TYW3: variants seen among roughly 807,000 people sequenced by gnomAD.
The protein encoded by TYW3 is tRNA wybutosine-synthesizing protein 3 homolog.
Under a neutral mutation model 23.1 loss-of-function variants are expected in TYW3, and 26 were observed. The ratio of observed to expected loss-of-function variants is 1.13; its 90% CI spans 0.83 to 1.56. TYW3 has a LOEUF of 1.56. Among genes scored for constraint, TYW3 ranks in the 40% most tolerant of loss-of-function variants. TYW3 has a pLI of 0.00. For missense variants in TYW3, 316 were observed against 311.9 expected (o/e 1.01, Z -0.10); for synonymous variants, 102 against 105.7 (o/e 0.97, Z 0.21).
At chr1:74,736,258 A>G (rs1570048339) in intron 1 of TYW3, 1 of 218,428 alleles carries the variant, frequency 4.6e-6, no homozygotes, top group Non-Finnish European at 9.0e-6. Flanking sequence ...TGCTAGTATT[A>G]TCCCTTATAC....
intron 3 of TYW3, among the ~76,000 whole-genome samples, chr1:74,747,810 C>T (rs1419235652): frequency 1.5e-5 from 2 of 130,156 alleles, no homozygotes; most frequent in Admixed American, 7.9e-5. Context: ...TATATGTGTA[C>T]ACACATATGT....
At chr1:74,740,592 T>C (rs1648317835) in intron 3 of TYW3, among the ~76,000 whole-genome samples, 1 of 152,172 alleles carries the variant, frequency 6.6e-6, no homozygotes, top group African/African-American at 2.4e-5. Context: ...ATCCTTTAGC[T>C]AGACATAGAG....
chr1:74,760,260 A>G (rs1417348704), intron 5 of TYW3, among the ~76,000 whole-genome samples: 1 of 152,152 alleles, frequency 6.6e-6, no homozygotes, highest in Non-Finnish European at 1.5e-5. Context: ...GAAGAGGTAG[A>G]GAAGGTAGAA....
Position 74,733,227 on chromosome 1 carries a change from A to C in TYW3, c.-18A>C, listed in dbSNP as rs1375200548. Reference sequence around the variant, plus strand: ...GCTACCATGAAGGAGCCGAGCGCAGACCCTGAGTCCGTCACCCATGGATCG... The same window carrying C: ...GCTACCATGAAGGAGCCGAGCGCAGCCCCTGAGTCCGTCACCCATGGATCG... On this transcript the variant is annotated 5_prime_UTR_variant, in exon 1 of 6. Transcript: ENST00000370867. 6.2e-7 allele frequency: 1 copy of C among 1,613,008 alleles called. No homozygotes were observed.
At chr1:74,748,677 T>G in intron 3 of TYW3, 74 bp from the exon 4 acceptor site, 1 of 1,445,614 alleles carries the variant, frequency 6.9e-7, no homozygotes, top group Non-Finnish European at 9.7e-7. Context: ...TATATGTTTC[T>G]GTAGTTTGTG....
At position 74,738,720 on chromosome 1, in the gene TYW3, G is replaced by T. The variant is rs1209297133; in HGVS notation, c.286G>T (p.Ala96Ser). ...IVALKKANGDATLKFEPFVLH... is the reference protein window; with the variant it reads ...IVALKKANGDSTLKFEPFVLH... ...AGCTCTGAAGAAAGCAAATGGTGAT[G>T]CCACTTTGAAATTTGAACCATTTGT... Residue 96 changes from alanine (A) to serine (S), a missense_variant, in exon 3 of 6, where the codon GCC (alanine) becomes TCC (serine). Physicochemically the swap from Ala to Ser is moderately conservative, Grantham distance 99 (BLOSUM62 1). Coordinates refer to ENST00000370867, the MANE Select transcript of TYW3 (RefSeq NM_138467.3). 6.2e-7 allele frequency: 1 copy of T among 1,609,178 alleles called. No individual in the cohort carries two copies. The highest frequency in any genetic ancestry group is 1.1e-5 in the South Asian group (1 of 90,484).
At chr1:74,737,382 A>C (rs1456099255) in intron 2 of TYW3, among the ~76,000 whole-genome samples, 2 of 152,202 alleles carry the variant, frequency 1.3e-5, no homozygotes, top group African/African-American at 2.4e-5. Flanking sequence ...CCTGCAATTC[A>C]TGTGTCCATC....
At position 74,763,996 on chromosome 1, in the gene TYW3, A is replaced by C. The variant is rs1342532331; in HGVS notation, c.663A>C (p.Lys221Asn). 1 of 1,611,236 alleles carries C rather than the reference A, an allele frequency of 6.2e-7. No individual in the cohort carries two copies. Among genetic ancestry groups the C allele is most frequent in the South Asian group, 1.1e-5 (1 of 90,156 alleles). The stretch of plus-strand genomic sequence containing the variant: ...ACTCATCATATATTCATAAGAAAAA[A>C]AGAAACCCAGAAAAAACACGTGCCC... ...KNNSSYIHKKKRNPEKTRAQC... is the reference protein window; with the variant it reads ...KNNSSYIHKKNRNPEKTRAQC... The change falls in exon 6 of 6, where the codon AAA becomes AAC. Residue 221 changes from lysine to asparagine, a missense_variant. By Grantham distance (94) the Lys-to-Asn change is moderately conservative (BLOSUM62 0). Coordinates refer to ENST00000370867, the MANE Select transcript of TYW3 (RefSeq NM_138467.3).
At chr1:74,743,871 G>A (rs903393594) in intron 3 of TYW3, among the ~76,000 whole-genome samples, 1 of 152,176 alleles carries the variant, frequency 6.6e-6, no homozygotes, top group South Asian at 2.1e-4. Flanking sequence ...ATCTCTCCAA[G>A]AGAGATCACA....
intron 3 of TYW3, among the ~76,000 whole-genome samples, chr1:74,747,868 T>A (rs1648637401): frequency 8.3e-6 from 1 of 119,918 alleles, no homozygotes; most frequent in Admixed American, 8.5e-5. Flanking sequence ...TATGTATACA[T>A]ACACATACAC....
intron 2 of TYW3, 76 bp from the exon 3 acceptor site, chr1:74,738,614 A>C (rs1648234878): frequency 3.3e-6 from 3 of 901,290 alleles, no homozygotes; most frequent in Non-Finnish European, 4.7e-6. Flanking sequence ...AGAGAAATTG[A>C]AGTTATGTAT....
rs1442397590 is a variant in TYW3, at chr1:74,765,642, A to T, written c.*1529A>T. The T allele has an allele frequency of 6.6e-6, 1 of 152,136 alleles. No homozygotes were observed. Among genetic ancestry groups the T allele is most frequent in the Non-Finnish European group, 1.5e-5 (1 of 68,016 alleles). 9.4% of individuals were successfully genotyped at this position (152,136 alleles called of 1,614,324 possible). ...GAAAAGAGAAGATAAATGAATAAAAAAAAAAGTTATAAATAACAGTAGGAA... is the reference window on the plus strand; with the variant it reads ...GAAAAGAGAAGATAAATGAATAAAATAAAAAGTTATAAATAACAGTAGGAA... On this transcript the variant is annotated 3_prime_UTR_variant, in exon 6 of 6. Transcript: ENST00000370867.
chr1:74,748,637 T>G, intron 3 of TYW3, 114 bp from the exon 4 acceptor site: 1 of 1,094,190 alleles, frequency 9.1e-7, no homozygotes, highest in Non-Finnish European at 1.3e-6. Flanking sequence ...CGAAAAATTT[T>G]TTTAAAAACC....
chr1:74,734,723 C>T (rs1257343285), intron 1 of TYW3, among the ~76,000 whole-genome samples: 1 of 152,196 alleles, frequency 6.6e-6, no homozygotes, highest in Non-Finnish European at 1.5e-5. Flanking sequence ...AAAGCTATCT[C>T]AACTCTGCCC....
intron 5 of TYW3, among the ~76,000 whole-genome samples, chr1:74,763,015 C>T: frequency 6.6e-6 from 1 of 152,080 alleles, no homozygotes; most frequent in Admixed American, 6.6e-5. Context: ...AAATGAGAAA[C>T]ATTGTATTTT....
At chr1:74,747,950 A>G (rs1020061621) in intron 3 of TYW3, among the ~76,000 whole-genome samples, 14 of 152,116 alleles carry the variant, frequency 9.2e-5, no homozygotes, top group African/African-American at 3.4e-4. Context: ...TATATATGGT[A>G]TTTAAACCAG....
At chr1:74,733,843 CATT>C (rs1648018473) in intron 1 of TYW3, among the ~76,000 whole-genome samples, 1 of 152,186 alleles carries the variant, frequency 6.6e-6, no homozygotes, top group Non-Finnish European at 1.5e-5. Context: ...TCTGGCAAAT[CATT>C]GTTACTGCAT....
chr1:74,743,781 G>C (rs1253749081), intron 3 of TYW3, among the ~76,000 whole-genome samples: 1 of 152,068 alleles, frequency 6.6e-6, no homozygotes, highest in Non-Finnish European at 1.5e-5. Context: ...GAGATATCAG[G>C]TATCTCCAAA....
At chr1:74,746,070 G>T (rs942834778) in intron 3 of TYW3, among the ~76,000 whole-genome samples, 8 of 152,240 alleles carry the variant, frequency 5.3e-5, no homozygotes, top group African/African-American at 1.7e-4. Context: ...TTGAAGCCCT[G>T]TAGACACAAT....
Sources: allele counts gnomAD v4.1 joint callset (sites outside exome capture counted in the v4.1 genomes callset), GRCh38; gene constraint gnomAD v4.1.1; transcripts MANE v1.5; gene names NCBI Gene and HGNC (gene_info 2026-07-23, HGNC 2026-07-21).